Variants in MYO3B observed in about 807,000 individuals in gnomAD.
MYO3B encodes myosin IIIB, also known as myosin-IIIb.
A neutral mutation model predicts 174.6 loss-of-function variants in MYO3B; 156 were observed. The ratio of observed to expected loss-of-function variants is 0.89; its 90% CI spans 0.78 to 1.02. The LOEUF is 1.02. Ranked by LOEUF, MYO3B falls within the 50% of genes least tolerant of loss-of-function variation. The pLI, the probability that MYO3B is intolerant of heterozygous loss-of-function variation, is 0.00. For synonymous variants in MYO3B, 563 were observed against 569.1 expected (o/e 0.99, Z 0.15); for missense variants, 1,632 against 1,639.4 (o/e 1.00, Z 0.08).
At chr2:170,442,514 T>G (rs1404528926) in intron 22 of MYO3B, among the ~76,000 whole-genome samples, 1 of 125,920 alleles carries the variant, frequency 7.9e-6, no homozygotes, top group Admixed American at 8.2e-5. Context: ...TTTTTTTTTT[T>G]TAATTATACT....
intron 32 of MYO3B, among the ~76,000 whole-genome samples, chr2:170,614,900 C>T (rs372184251): frequency 3.9e-5 from 6 of 152,162 alleles, no homozygotes; most frequent in African/African-American, 1.4e-4. Context: ...GAAGGTAACT[C>T]TTACTACTGG....
intron 32 of MYO3B, among the ~76,000 whole-genome samples, chr2:170,577,612 A>G (rs1692861865): frequency 6.6e-6 from 1 of 152,212 alleles, no homozygotes; most frequent in African/African-American, 2.4e-5. Flanking sequence ...CAAGAATATG[A>G]ATTCCTCAGG....
chr2:170,615,121 T>C (rs1241756749), intron 32 of MYO3B, among the ~76,000 whole-genome samples: 1 of 152,212 alleles, frequency 6.6e-6, no homozygotes, highest in Non-Finnish European at 1.5e-5. Flanking sequence ...TGCTCTCTGA[T>C]CCTGCCTTCA....
chr2:170,392,906 G>A (rs899474318), intron 16 of MYO3B, among the ~76,000 whole-genome samples: 12 of 149,074 alleles, frequency 8.0e-5, no homozygotes, highest in Admixed American at 3.4e-4. Context: ...TAAAGTGAAC[G>A]GGGGGTAGGA....
intron 7 of MYO3B, among the ~76,000 whole-genome samples, chr2:170,251,823 T>C (rs1383584429): frequency 3.9e-5 from 6 of 152,146 alleles, no homozygotes; most frequent in Non-Finnish European, 8.8e-5. Flanking sequence ...GGGTCTAGGA[T>C]CCAAAAGCAG....
At chr2:170,590,014 G>A (rs1693725432) in intron 32 of MYO3B, among the ~76,000 whole-genome samples, 1 of 152,288 alleles carries the variant, frequency 6.6e-6, no homozygotes, top group South Asian at 2.1e-4. Flanking sequence ...TTGTAGCCTA[G>A]GAGCAAAGGC....
intron 32 of MYO3B, among the ~76,000 whole-genome samples, chr2:170,565,417 A>G (rs1692003539): frequency 6.6e-6 from 1 of 152,252 alleles, no homozygotes; most frequent in African/African-American, 2.4e-5. Flanking sequence ...GTAGATGAAC[A>G]GAGGAACAGG....
At chr2:170,419,235 C>G (rs980687644) in intron 22 of MYO3B, among the ~76,000 whole-genome samples, 2 of 152,202 alleles carry the variant, frequency 1.3e-5, no homozygotes, top group Non-Finnish European at 2.9e-5. Flanking sequence ...GTACTTTTCA[C>G]AAATAAAGAG....
chr2:170,284,053 T>TACCTTTCCATAA (rs2093535320), intron 7 of MYO3B, among the ~76,000 whole-genome samples: 1 of 152,222 alleles, frequency 6.6e-6, no homozygotes, highest in Non-Finnish European at 1.5e-5. Context: ...TAGAACTCCA[T>TACCTTTCCATAA]GGAACAAATA....
Position 170,466,662 on chromosome 2 carries a change from C to G in MYO3B, c.2965C>G (p.Arg989Gly). 6.2e-7 allele frequency: 1 copy of G among 1,614,202 alleles called. No individual in the cohort carries two copies. The highest frequency in any genetic ancestry group is 8.5e-7 in the Non-Finnish European group (1 of 1,180,042). ...AGGGATTCTGGAGACAGTCAGCATC[C>G]GCCGCCAGGGCTATTCCCACCGCAT... is the stretch of plus-strand genomic sequence containing the variant. ...STGILETVSI[R>G]RQGYSHRILF... Residue 989 changes from arginine to glycine, a missense_variant, in exon 25 of 35, where the codon CGC (arginine) becomes GGC (glycine). Coordinates refer to ENST00000408978, the MANE Select transcript of MYO3B (RefSeq NM_138995.5).
intron 22 of MYO3B, among the ~76,000 whole-genome samples, chr2:170,429,074 C>T (rs578165369): frequency 6.6e-6 from 1 of 152,282 alleles, no homozygotes; most frequent in South Asian, 2.1e-4. Flanking sequence ...GGCTTAAAAA[C>T]ACAAGGAAGC....
intron 7 of MYO3B, among the ~76,000 whole-genome samples, chr2:170,325,396 C>T (rs1013969647): frequency 1.9e-4 from 29 of 152,094 alleles, no homozygotes; most frequent in African/African-American, 6.3e-4. Flanking sequence ...TTAGTAGAGA[C>T]GGGGTTTCAC....
intron 25 of MYO3B, among the ~76,000 whole-genome samples, chr2:170,495,190 T>TA (rs1392312263): frequency 2.0e-5 from 3 of 152,186 alleles, no homozygotes; most frequent in African/African-American, 7.2e-5. Context: ...AGGAAAGGGG[T>TA]AAAATGGATC....
intron 25 of MYO3B, among the ~76,000 whole-genome samples, chr2:170,489,101 A>G (rs569734385): frequency 3.9e-5 from 6 of 152,358 alleles, no homozygotes; most frequent in Non-Finnish European, 8.8e-5. Flanking sequence ...GGAAGGTTTG[A>G]TAAGTGTAAA....
chr2:170,521,122 T>C (rs1688645929), intron 30 of MYO3B, among the ~76,000 whole-genome samples: 1 of 152,180 alleles, frequency 6.6e-6, no homozygotes, highest in African/African-American at 2.4e-5. Context: ...TTTTTTATTA[T>C]TTTATTTTGT....
intron 8 of MYO3B, among the ~76,000 whole-genome samples, chr2:170,352,486 T>A (rs190503392): frequency 1.5e-4 from 23 of 152,242 alleles, no homozygotes; most frequent in Non-Finnish European, 1.5e-5. Context: ...AAAAAGAGAT[T>A]TCTATCTATA....
intron 25 of MYO3B, among the ~76,000 whole-genome samples, chr2:170,480,041 G>GTA (rs57069590): frequency 0.47 from 68,564 of 146,140 alleles, 16,736 homozygotes; most frequent in Non-Finnish European, 0.55. Context: ...GTGTGTGTGT[G>GTA]TATATATATA....
intron 7 of MYO3B, among the ~76,000 whole-genome samples, chr2:170,289,364 A>G (rs760234984): frequency 6.6e-6 from 1 of 152,004 alleles, no homozygotes; most frequent in Non-Finnish European, 1.5e-5. Flanking sequence ...TTGATGGGAA[A>G]CTTTATTACA....
chr2:170,465,725 C>T (rs900271052), intron 24 of MYO3B, among the ~76,000 whole-genome samples: 3 of 152,138 alleles, frequency 2.0e-5, no homozygotes, highest in Non-Finnish European at 4.4e-5. Flanking sequence ...TACCCGTTCA[C>T]GAGTGCTAAA....
Sources: allele counts gnomAD v4.1 joint callset (sites outside exome capture counted in the v4.1 genomes callset), GRCh38; gene constraint gnomAD v4.1.1; transcripts MANE v1.5; gene names NCBI Gene and HGNC (gene_info 2026-07-23, HGNC 2026-07-21).